Variants in POC1B observed in about 807,000 individuals in gnomAD.
POC1B encodes POC1 centriolar protein homolog B.
A neutral mutation model predicts 60.6 loss-of-function variants in POC1B; 44 were observed. The ratio of observed to expected loss-of-function variants is 0.73; its 90% CI spans 0.57 to 0.93. The LOEUF is 0.93. POC1B is among the 40% of genes least tolerant of loss of function. The pLI, the probability that POC1B is intolerant of heterozygous loss-of-function variation, is 0.00. For missense variants in POC1B, 555 were observed against 572.3 expected, an observed-to-expected ratio of 0.97 and a Z score of 0.31; for synonymous variants, 180 against 198.9, an observed-to-expected ratio of 0.90 and a Z score of 0.80.
chr12:89,444,057 G>A (rs1881654772), intron 10 of POC1B, among the ~76,000 whole-genome samples: 1 of 152,150 alleles, frequency 6.6e-6, no homozygotes, highest in Non-Finnish European at 1.5e-5. Flanking sequence ...AAACTAGGAA[G>A]AAGTTGAACC....
intron 4 of POC1B, among the ~76,000 whole-genome samples, chr12:89,479,166 G>C (rs1883227432): frequency 6.6e-6 from 1 of 152,052 alleles, no homozygotes; most frequent in Non-Finnish European, 1.5e-5. Flanking sequence ...CTCATCTTTT[G>C]TTCATGCATA....
At chr12:89,429,661 T>C (rs1565893389) in intron 10 of POC1B, among the ~76,000 whole-genome samples, 1 of 152,162 alleles carries the variant, frequency 6.6e-6, no homozygotes, top group Non-Finnish European at 1.5e-5. Context: ...GATTCCCTGT[T>C]GCGATGAGAG....
intron 2 of POC1B, chr12:89,523,334 A>T (rs568006309): frequency 1.9e-6 from 3 of 1,613,986 alleles, no homozygotes; most frequent in Non-Finnish European, 2.5e-6. Context: ...ATATCACCAT[A>T]AGCTTCTTTT....
intron 10 of POC1B, among the ~76,000 whole-genome samples, chr12:89,438,555 T>G (rs1881378004): frequency 6.6e-6 from 1 of 152,276 alleles, no homozygotes; most frequent in Non-Finnish European, 1.5e-5. Context: ...CTCTGGACTT[T>G]TGGCAATGCT....
At chr12:89,502,077 C>T in intron 2 of POC1B, 3 of 1,030,032 alleles carry the variant, frequency 2.9e-6, no homozygotes, top group Non-Finnish European at 4.6e-6. Context: ...AGCCTCAGAC[C>T]AGTGGATATA....
intron 2 of POC1B, among the ~76,000 whole-genome samples, chr12:89,515,463 C>T (rs1870399154): frequency 6.6e-6 from 1 of 151,852 alleles, no homozygotes; most frequent in African/African-American, 2.4e-5. Context: ...TGCTAAGAGG[C>T]ATGAAAGATA....
intron 4 of POC1B, among the ~76,000 whole-genome samples, chr12:89,490,668 T>C (rs1161988429): frequency 6.6e-6 from 1 of 152,032 alleles, no homozygotes; most frequent in Non-Finnish European, 1.5e-5. Flanking sequence ...GATAGGGAAA[T>C]GCAATCTGCA....
chr12:89,500,434 T>A, intron 2 of POC1B: 1 of 1,545,904 alleles, frequency 6.5e-7, no homozygotes, highest in South Asian at 1.1e-5. Flanking sequence ...TTCAGGCCCA[T>A]GAAGTTCGTC....
intron 4 of POC1B, among the ~76,000 whole-genome samples, chr12:89,480,595 A>ATTTTTTTT (rs765505677): frequency 3.4e-3 from 240 of 69,816 alleles, no homozygotes; most frequent in Middle Eastern, 0.012. Context: ...TAATTTTTGT[A>ATTTTTTTT]TTTTTTTTTT....
At chr12:89,494,833 C>A (rs1185052657) in intron 3 of POC1B, among the ~76,000 whole-genome samples, 2 of 152,188 alleles carry the variant, frequency 1.3e-5, no homozygotes, top group African/African-American at 4.8e-5. Context: ...CCCAGGCATA[C>A]GAATGAGGAA....
intron 10 of POC1B, among the ~76,000 whole-genome samples, chr12:89,439,303 T>TA (rs917057974): frequency 6.6e-6 from 1 of 152,192 alleles, no homozygotes; most frequent in African/African-American, 2.4e-5. Context: ...GACTTTTTTT[T>TA]ACAGGTCCTA....
At chr12:89,401,507 C>T in the POC1B span, among the ~76,000 whole-genome samples, 11 of 149,356 alleles carry the variant, frequency 7.4e-5, 1 homozygote, top group South Asian at 1.3e-3. Context: ...TGCTTTCCCA[C>T]GATTAGATTT....
At chr12:89,458,914 T>C (rs986508915) in intron 10 of POC1B, among the ~76,000 whole-genome samples, 1 of 152,218 alleles carries the variant, frequency 6.6e-6, no homozygotes, top group Non-Finnish European at 1.5e-5. Context: ...TTCTTAATCT[T>C]TGAAAATTTT....
chr12:89,507,339 T>C (rs1009359955), intron 2 of POC1B, among the ~76,000 whole-genome samples: 2 of 151,568 alleles, frequency 1.3e-5, no homozygotes, highest in Admixed American at 6.6e-5. Flanking sequence ...CTTAACCTTC[T>C]TTCTTAGGAA....
At chr12:89,502,822 C>T (rs879251334) in intron 2 of POC1B, among the ~76,000 whole-genome samples, 1 of 151,916 alleles carries the variant, frequency 6.6e-6, no homozygotes, top group Non-Finnish European at 1.5e-5. Flanking sequence ...GTACTTTACA[C>T]GAAATACCTT....
intron 10 of POC1B, among the ~76,000 whole-genome samples, chr12:89,450,700 C>T (rs945362075): frequency 1.2e-4 from 18 of 152,032 alleles, no homozygotes; most frequent in South Asian, 1.0e-3. Context: ...TGTTTTAAGG[C>T]TTTTAACATT....
intron 2 of POC1B, among the ~76,000 whole-genome samples, chr12:89,503,484 G>A (rs1048760322): frequency 2.6e-5 from 4 of 152,064 alleles, no homozygotes; most frequent in African/African-American, 9.7e-5. Context: ...CCTCCCAGCC[G>A]CCTGCCTTGG....
intron 2 of POC1B, among the ~76,000 whole-genome samples, chr12:89,510,141 G>A (rs1165903330): frequency 1.3e-5 from 2 of 152,102 alleles, no homozygotes; most frequent in Non-Finnish European, 2.9e-5. Context: ...GAGTCACCAC[G>A]CCCAGCCTGT....
intron 2 of POC1B, among the ~76,000 whole-genome samples, chr12:89,517,961 C>T (rs988375344): frequency 5.3e-5 from 8 of 152,104 alleles, no homozygotes; most frequent in African/African-American, 9.7e-5. Context: ...ACCAGACACC[C>T]GAAGACACTG....
Sources: gnomAD v4.1 joint callset for allele counts (sites outside exome capture counted in the v4.1 genomes callset) on GRCh38, gnomAD v4.1.1 for gene constraint, MANE v1.5 for transcripts, NCBI Gene and HGNC (gene_info 2026-07-23, HGNC 2026-07-21) for gene names.